Variants in ROCK1 observed in about 807,000 individuals in gnomAD.
ROCK1 encodes Rho associated coiled-coil containing protein kinase 1, also known as rho-associated protein kinase 1.
Under a neutral mutation model 196.8 loss-of-function variants are expected in ROCK1, and 36 were observed. That is an observed-to-expected ratio of 0.18 (90% CI 0.14 to 0.24). The LOEUF (loss-of-function observed/expected upper bound fraction) is 0.24, where lower values mean the gene tolerates loss of function less well. Ranked by LOEUF, ROCK1 falls within the 10% of genes least tolerant of loss-of-function variation. ROCK1 has a pLI of 1.00. For missense variants in ROCK1, 920 were observed against 1,562.0 expected, an observed-to-expected ratio of 0.59 and a Z score of 6.93; for synonymous variants, 443 against 515.9, an observed-to-expected ratio of 0.86 and a Z score of 1.91.
intron 2 of ROCK1, among the ~76,000 whole-genome samples, chr18:21,050,685 ATTC>A (rs548226751): frequency 1.4e-4 from 21 of 152,206 alleles, no homozygotes; most frequent in Non-Finnish European, 1.9e-4. Context: ...CTGTATTAAT[ATTC>A]TTGTTTTCCT....
rs748252049 is a variant in ROCK1 at position 20,967,738 on chromosome 18, C to T, written c.3192+14G>A. 1.9e-6 allele frequency: 3 copies of T among 1,571,996 alleles called. No homozygotes were observed. Among genetic ancestry groups the T allele is most frequent in the South Asian group, 2.4e-5 (2 of 82,650 alleles). ...TCCTTCACACTCATATCCATACACACACAGAAACCTTACCGCTTGCATGTC... is the reference window on the plus strand; with the variant it reads ...TCCTTCACACTCATATCCATACACATACAGAAACCTTACCGCTTGCATGTC... On this transcript the variant is annotated intron_variant, in intron 26 of 32. Coordinates refer to ENST00000399799, the MANE Select transcript of ROCK1 (RefSeq NM_005406.3).
chr18:21,072,915 A>T (rs931569795), intron 1 of ROCK1, among the ~76,000 whole-genome samples: 2 of 151,948 alleles, frequency 1.3e-5, no homozygotes, highest in African/African-American at 4.8e-5. Flanking sequence ...TACTAAAAAT[A>T]TAAAAATTAG....
At chr18:21,047,177 A>G (rs2143513910) in intron 4 of ROCK1, among the ~76,000 whole-genome samples, 1 of 152,216 alleles carries the variant, frequency 6.6e-6, no homozygotes, top group East Asian at 1.9e-4. Context: ...CCTAAATTGT[A>G]AATAGCCCTG....
intron 9 of ROCK1, among the ~76,000 whole-genome samples, chr18:21,035,971 A>G (rs910728170): frequency 3.9e-5 from 6 of 152,238 alleles, no homozygotes; most frequent in Admixed American, 1.3e-4. Context: ...TTCTGGACAC[A>G]GTAGAGGTAA....
At chr18:21,045,195 G>A (rs1029063352) in intron 5 of ROCK1, 97 bp downstream of exon 5, 29 of 1,115,676 alleles carry the variant, frequency 2.6e-5, no homozygotes, top group African/African-American at 1.4e-4. Context: ...TATGTCATAC[G>A]GAAGAAGAAT....
chr18:21,042,490 A>G, intron 7 of ROCK1, 75 bp downstream of exon 7: 2 of 1,399,934 alleles, frequency 1.4e-6, no homozygotes, highest in South Asian at 1.4e-5. Context: ...TATAATAAAT[A>G]TATTAGAAAG....
chr18:21,082,130 G>T (rs1344817583), intron 1 of ROCK1, among the ~76,000 whole-genome samples: 3 of 151,702 alleles, frequency 2.0e-5, no homozygotes, highest in Admixed American at 2.0e-4. Flanking sequence ...TTAGGGATGG[G>T]GTTTTACCAT....
intron 2 of ROCK1, among the ~76,000 whole-genome samples, chr18:21,055,931 T>C (rs2036241939): frequency 6.6e-6 from 1 of 152,212 alleles, no homozygotes; most frequent in Non-Finnish European, 1.5e-5. Flanking sequence ...CAATGACCAA[T>C]TCTCAGCCCT....
chr18:21,021,789 T>C (rs2035914935), intron 11 of ROCK1, among the ~76,000 whole-genome samples: 1 of 152,132 alleles, frequency 6.6e-6, no homozygotes, highest in South Asian at 2.1e-4. Context: ...ATGAATCCTT[T>C]GAATATTTTT....
At chr18:21,026,445 GAAAA>G (rs747563785) in intron 10 of ROCK1, among the ~76,000 whole-genome samples, 1 of 35,308 alleles carries the variant, frequency 2.8e-5, no homozygotes, top group Non-Finnish European at 5.9e-5. Context: ...ACTCTGTCTC[GAAAA>G]AAAAAAAAAA....
chr18:20,966,636 T>C (rs1194087738), intron 27 of ROCK1, among the ~76,000 whole-genome samples: 3 of 152,256 alleles, frequency 2.0e-5, no homozygotes, highest in Non-Finnish European at 4.4e-5. Context: ...ACTCTCACTG[T>C]GGACTTAGGC....
In ROCK1 at chr18:20,960,153, A is replaced by G. The variant is rs1273385707; in HGVS notation, c.3406T>C (p.Tyr1136His). The part of the protein sequence containing the change: ...SVPNRGNIKR[Y>H]GWKKQYVVVS... Reference sequence around the variant, plus strand: ...TATGGTACCTGTTTCTTCCAGCCATATCGTTTGATATTTCCTCTATTTGGT... The same window carrying G: ...TATGGTACCTGTTTCTTCCAGCCATGTCGTTTGATATTTCCTCTATTTGGT... The change falls in exon 28 of 33, where the codon TAT becomes CAT. Residue 1136 changes from tyrosine to histidine, a missense_variant. This residue lies in a region of ROCK1 where 116 missense variants were observed against 204.2 expected (regional missense o/e 0.57). Coordinates refer to ENST00000399799, the MANE Select transcript of ROCK1 (RefSeq NM_005406.3). 1.3e-6 allele frequency: 2 copies of G among 1,598,684 alleles called. No individual in the cohort carries two copies. Among genetic ancestry groups the G allele is most frequent in the African/African-American group, 2.7e-5 (2 of 74,764 alleles).
In ROCK1 at chr18:21,044,094, T is replaced by G; in HGVS notation, c.675+8A>C. On this transcript the variant is annotated splice_region_variant and intron_variant, in intron 6 of 32. Coordinates refer to ENST00000399799, the MANE Select transcript of ROCK1 (RefSeq NM_005406.3). ...AGCAAAAACTAAATTAAAATCTAGT[T>G]AATTAACCTTATTCATCTTCATACA... The G allele has an allele frequency of 6.5e-7, 1 of 1,535,946 alleles. No individual in the cohort carries two copies.
At chr18:21,046,548 C>T (rs2036161084) in intron 4 of ROCK1, among the ~76,000 whole-genome samples, 1 of 152,136 alleles carries the variant, frequency 6.6e-6, no homozygotes, top group South Asian at 2.1e-4. Context: ...TAATAGCTAA[C>T]ACAGAAGTAG....
rs1473571028 is a variant in ROCK1 at position 21,073,081 on chromosome 18, AAAAAAAAAAAAAAAAAAAC to A, written c.94-2487_94-2469del. Among the ~76,000 whole-genome samples the A allele has an allele frequency of 8.2e-4, 117 of 143,086 alleles. 2 individuals are homozygous for A. In the East Asian group the frequency reaches 0.018, roughly 22 times the overall value. The allele number at this position is 143,086 out of a possible 152,430, so 93.9% of individuals were successfully genotyped here. ...CCGTCTCCAAAAAAAAAAAAAAAAA[AAAAAAAAAAAAAAAAAAAC>A]AAAAGTGGAGGAGAAAATATGTAAC... is the stretch of plus-strand genomic sequence containing the variant. On this transcript the variant is annotated intron_variant, in intron 1 of 32. Transcript: ENST00000399799.
chr18:20,970,255 T>C, intron 23 of ROCK1, 93 bp downstream of exon 23: 3 of 908,166 alleles, frequency 3.3e-6, no homozygotes, highest in African/African-American at 1.7e-5. Context: ...TAGAAGTAAA[T>C]ACACTTGCAC....
chr18:20,976,592 T>A (rs369722113), intron 22 of ROCK1, among the ~76,000 whole-genome samples: 54 of 152,298 alleles, frequency 3.5e-4, no homozygotes, highest in African/African-American at 1.3e-3. Flanking sequence ...TAGACCCCAC[T>A]AATTACAGCC....
chr18:20,983,246 C>A (rs1025991878), intron 20 of ROCK1, among the ~76,000 whole-genome samples: 25 of 149,342 alleles, frequency 1.7e-4, no homozygotes, highest in Admixed American at 1.6e-3. Context: ...TGCTACATAT[C>A]ATAGTACTAT....
At chr18:20,961,986 G>A (rs549207761) in intron 27 of ROCK1, among the ~76,000 whole-genome samples, 2 of 151,886 alleles carry the variant, frequency 1.3e-5, no homozygotes, top group African/African-American at 4.8e-5. Context: ...TAGTTCCTTG[G>A]TAAGTTTTGT....
Sources: allele counts gnomAD v4.1 joint callset (sites outside exome capture counted in the v4.1 genomes callset), GRCh38; gene constraint gnomAD v4.1.1; regional missense constraint gnomAD v4.1.1; transcripts MANE v1.5; gene names NCBI Gene and HGNC (gene_info 2026-07-23, HGNC 2026-07-21).